The following NUP42 variants were observed in gnomAD, a reference collection of about 807,000 sequenced individuals.
NUP42 encodes nucleoporin NUP42.
NUP42 carries 47 observed loss-of-function variants against 35.9 expected under a neutral mutation model. The observed-to-expected ratio is 1.31, with a 90% CI of 1.04 to 1.67. The LOEUF (loss-of-function observed/expected upper bound fraction) is 1.67. Ranked by LOEUF, NUP42 falls within the 40% of genes most tolerant of loss-of-function variation. The pLI, the probability that NUP42 is intolerant of heterozygous loss-of-function variation, is 0.00. For synonymous variants in NUP42, 173 were observed against 173.3 expected (o/e 1.00, Z 0.01); for missense variants, 514 against 492.2 (o/e 1.04, Z -0.42).
rs1277866643 is a variant in NUP42, at chr7:23,200,376, T to G, written c.903T>G (p.Phe301Leu). ...GKPEVTSAAS[F>L]SFKSPAASSF... ...CTGAAGTCACATCGGCTGCATCATT[T>G]TCATTCAAAAGCCCTGCAGCTTCCA... is the stretch of plus-strand genomic sequence containing the variant. Residue 301 changes from phenylalanine (F) to leucine (L), a missense_variant, in exon 7 of 7, where the codon TTT becomes TTG. Physicochemically the swap from Phe to Leu is conservative, Grantham distance 22 (BLOSUM62 0). Transcript: ENST00000258742. The G allele has an allele frequency of 4.3e-6, 7 of 1,613,958 alleles. No homozygotes were observed. The highest frequency in any genetic ancestry group is 5.1e-6 in the Non-Finnish European group (6 of 1,179,974).
At chr7:23,186,063 C>G (rs907249582) in intron 2 of NUP42, among the ~76,000 whole-genome samples, 1 of 152,308 alleles carries the variant, frequency 6.6e-6, no homozygotes, top group South Asian at 2.1e-4. Context: ...CTTTCTAAAA[C>G]TTTTACTTGG....
At chr7:23,185,753 A>C (rs953091939) in intron 2 of NUP42, among the ~76,000 whole-genome samples, 2 of 151,856 alleles carry the variant, frequency 1.3e-5, no homozygotes, top group African/African-American at 2.4e-5. Context: ...TTATTTATTT[A>C]TTTTGAGACG....
chr7:23,192,761 A>G (rs1024900774), intron 3 of NUP42, among the ~76,000 whole-genome samples: 7 of 151,906 alleles, frequency 4.6e-5, no homozygotes, highest in Non-Finnish European at 1.0e-4. Context: ...GACCCTGTAC[A>G]GCTGTGTGTA....
intron 1 of NUP42, among the ~76,000 whole-genome samples, chr7:23,184,014 A>G (rs1257200175): frequency 6.6e-6 from 1 of 152,038 alleles, no homozygotes; most frequent in South Asian, 2.1e-4. Context: ...AACAAGATGA[A>G]TTACCTTAAT....
intron 1 of NUP42, 107 bp from the exon 2 acceptor site, chr7:23,184,963 G>A: frequency 2.3e-6 from 2 of 869,488 alleles, no homozygotes; most frequent in Non-Finnish European, 1.7e-6. Context: ...CCAAGATCAT[G>A]CCACTGTACT....
intron 3 of NUP42, among the ~76,000 whole-genome samples, chr7:23,193,091 T>C (rs1417086895): frequency 6.6e-6 from 1 of 151,580 alleles, no homozygotes; most frequent in East Asian, 1.9e-4. Context: ...TCTGGAGTTG[T>C]TTGTTCCTCC....
chr7:23,187,926 AATATT>A, intron 3 of NUP42: 16 of 535,130 alleles, frequency 3.0e-5, no homozygotes, highest in Middle Eastern at 5.2e-4. Context: ...TTTGCTTTAG[AATATT>A]CTCTGTCTCT....
chr7:23,200,145 T>TG (rs1786160469), intron 6 of NUP42, 23 bp from the exon 7 acceptor site: 7 of 1,443,822 alleles, frequency 4.8e-6, no homozygotes, highest in African/African-American at 2.8e-5. Context: ...TGTTGTTTTT[T>TG]TTGTTGTTGT....
intron 3 of NUP42, chr7:23,188,062 G>A (rs531982461): frequency 7.0e-7 from 1 of 1,432,944 alleles, no homozygotes; most frequent in Admixed American, 2.7e-5. Context: ...CTGAAACCTA[G>A]ACCACCGGGC....
At chr7:23,189,641 G>A (rs956352736) in intron 3 of NUP42, among the ~76,000 whole-genome samples, 3 of 150,242 alleles carry the variant, frequency 2.0e-5, no homozygotes, top group Non-Finnish European at 3.0e-5. Flanking sequence ...GGCTGTGCAC[G>A]GTGGCTCACA....
At position 23,187,164 on chromosome 7, in the gene NUP42, C is replaced by T. The variant is rs1272415941; in HGVS notation, c.445+18C>T. The stretch of plus-strand genomic sequence containing the variant: ...TATTTCAGGTAACTGAAAAATTGTG[C>T]ATTTTTAAAGTATGTTCTAAAACTA... On this transcript the variant is annotated intron_variant, in intron 3 of 6. Coordinates refer to ENST00000258742, the MANE Select transcript of NUP42 (RefSeq NM_007342.3). The T allele has an allele frequency of 1.3e-6, 2 of 1,520,810 alleles. No individual in the cohort carries two copies. Among genetic ancestry groups the T allele is most frequent in the South Asian group, 1.2e-5 (1 of 84,730 alleles). 94.2% of individuals were successfully genotyped at this position (1,520,810 alleles called of 1,614,324 possible).
At chr7:23,196,575 A>G (rs1394788271) in intron 4 of NUP42, 105 bp from the exon 5 acceptor site, 1 of 827,654 alleles carries the variant, frequency 1.2e-6, no homozygotes, top group Non-Finnish European at 2.0e-6. Flanking sequence ...AAACTGTTAC[A>G]TAAACCTTTT....
rs536142530 is a variant in NUP42, at chr7:23,186,819, A to G, written c.351-233A>G. 2.6e-5 allele frequency among the ~76,000 whole-genome samples: 4 copies of G among 152,326 alleles called. No homozygotes were observed. In the South Asian group the frequency reaches 8.3e-4, roughly 32 times the overall value. ...ATGTATTAACATTGGTTAATGGGTC[A>G]GTGTATTGGAAAGCCAAACTCATTA... On this transcript the variant is annotated intron_variant, in intron 2 of 6. Transcript: ENST00000258742.
chr7:23,187,931 T>G lies in NUP42; in HGVS notation c.445+785T>G, dbSNP rs1270924828. On this transcript the variant is annotated intron_variant, in intron 3 of 6. Coordinates refer to ENST00000258742, the MANE Select transcript of NUP42 (RefSeq NM_007342.3). ...TGGAATAGCATTTGCTTTAGAATAT[T>G]CTCTGTCTCTCTCTCTCTCTCTGGC... The G allele has an allele frequency of 5.5e-5, 25 of 456,058 alleles. No individual in the cohort carries two copies. The East Asian group carries it at 6.7e-4, about 12-fold the overall frequency. The allele number at this position is 456,058 out of a possible 1,614,324, so 28.3% of individuals were successfully genotyped here. A position where few individuals can be genotyped will look rare whatever the true frequency, so the allele number is the denominator to read the frequency against.
At position 23,200,689 on chromosome 7, in the gene NUP42, T is replaced by C. The variant is rs1184581971; in HGVS notation, c.1216T>C (p.Phe406Leu). Residue 406 changes from phenylalanine to leucine, a missense_variant, in exon 7 of 7, where the codon TTT (phenylalanine) becomes CTT (leucine). Transcript: ENST00000258742. Reference sequence around the variant, plus strand: ...ACTGGAACAATTTCAATCCAAGAAATTTACTCTGGGAAAAATTCCATTAAA... The same window carrying C: ...ACTGGAACAATTTCAATCCAAGAAACTTACTCTGGGAAAAATTCCATTAAA... Reference protein sequence around the residue: ...EELEQFQSKKFTLGKIPLKPP... With the variant: ...EELEQFQSKKLTLGKIPLKPP... 1 of 1,609,234 alleles carries C rather than the reference T, an allele frequency of 6.2e-7. No homozygotes were observed. Among genetic ancestry groups the C allele is most frequent in the Non-Finnish European group, 8.5e-7 (1 of 1,178,160 alleles).
At chr7:23,186,980 A>G (rs1785615160) in intron 2 of NUP42, 72 bp from the exon 3 acceptor site, 1 of 1,009,730 alleles carries the variant, frequency 9.9e-7, no homozygotes, top group South Asian at 1.5e-5. Flanking sequence ...AGTTGTGGAA[A>G]ACCATTAACA....
At chr7:23,193,696 G>A (rs1025901310) in intron 3 of NUP42, among the ~76,000 whole-genome samples, 13 of 152,208 alleles carry the variant, frequency 8.5e-5, no homozygotes, top group African/African-American at 1.2e-4. Context: ...AGGGCCACAG[G>A]TGGAGCTACC....
At chr7:23,195,229 A>G (rs1785973421) in intron 3 of NUP42, 1 of 152,242 alleles carries the variant, frequency 6.6e-6, no homozygotes, top group South Asian at 2.1e-4. Flanking sequence ...TTAGGAAATG[A>G]TACATTTCAC....
At chr7:23,188,226 A>G (rs978355110) in intron 3 of NUP42, 9 of 1,252,856 alleles carry the variant, frequency 7.2e-6, no homozygotes, top group Middle Eastern at 3.1e-4. Flanking sequence ...GAGCATTTGC[A>G]TTACAACGCT....
Sources: allele counts gnomAD v4.1 joint callset (sites outside exome capture counted in the v4.1 genomes callset), GRCh38; gene constraint gnomAD v4.1.1; transcripts MANE v1.5; gene names NCBI Gene and HGNC (gene_info 2026-07-23, HGNC 2026-07-21).